The following PHTF2 variants were observed in gnomAD, a reference collection of about 807,000 sequenced individuals.
PHTF2 encodes putative homeodomain transcription factor 2, also known as protein PHTF2.
In PHTF2, 60 loss-of-function variants were observed where a neutral mutation model predicts 101.2. The observed-to-expected ratio is 0.59, with a 90% CI of 0.48 to 0.73. The LOEUF is 0.73. PHTF2 is among the 30% of genes least tolerant of loss of function. The pLI is 0.00. For missense variants in PHTF2, 747 were observed against 908.7 expected (o/e 0.82, Z 2.29); for synonymous variants, 311 against 307.3 (o/e 1.01, Z -0.13).
At chr7:77,923,133 T>G (rs1803639579) in intron 11 of PHTF2, 1 of 990,996 alleles carries the variant, frequency 1.0e-6, no homozygotes, top group Non-Finnish European at 1.2e-6. Context: ...AAAGTTATTT[T>G]AAGTAACTTC....
chr7:77,899,141 A>G (rs973452232), intron 5 of PHTF2, among the ~76,000 whole-genome samples: 5 of 152,218 alleles, frequency 3.3e-5, no homozygotes, highest in Non-Finnish European at 5.9e-5. Context: ...TGTAAGACAC[A>G]TCACAGCATT....
intron 1 of PHTF2, among the ~76,000 whole-genome samples, chr7:77,816,821 G>A (rs1793889628): frequency 6.6e-6 from 1 of 152,164 alleles, no homozygotes; most frequent in East Asian, 1.9e-4. Context: ...AACATGCAGG[G>A]TTTAACTTTC....
chr7:77,876,679 G>C (rs546501764), intron 3 of PHTF2, among the ~76,000 whole-genome samples: 1 of 152,034 alleles, frequency 6.6e-6, no homozygotes, highest in Non-Finnish European at 1.5e-5. Flanking sequence ...GATCACTTGC[G>C]CCCAGGAGTT....
intron 5 of PHTF2, among the ~76,000 whole-genome samples, chr7:77,897,575 A>T (rs1690016375): frequency 6.6e-6 from 1 of 152,154 alleles, no homozygotes. Context: ...TAAACTGTTT[A>T]ACAGTTCTTG....
At chr7:77,947,387 C>T (rs552531015) in intron 16 of PHTF2, among the ~76,000 whole-genome samples, 8 of 152,070 alleles carry the variant, frequency 5.3e-5, no homozygotes, top group African/African-American at 1.9e-4. Context: ...CATGGCAAAA[C>T]CCTATCTCTA....
At chr7:77,943,057 G>A (rs1054637943) in intron 16 of PHTF2, among the ~76,000 whole-genome samples, 8 of 152,166 alleles carry the variant, frequency 5.3e-5, no homozygotes, top group Non-Finnish European at 5.9e-5. Context: ...CAAAAGAAAC[G>A]TATGAGTTAT....
intron 3 of PHTF2, among the ~76,000 whole-genome samples, chr7:77,860,174 TTGAATA>T (rs1248085377): frequency 3.9e-5 from 6 of 152,202 alleles, no homozygotes; most frequent in Non-Finnish European, 7.3e-5. Flanking sequence ...CCAAAAAACA[TTGAATA>T]TAAAAGTTTA....
intron 1 of PHTF2, among the ~76,000 whole-genome samples, chr7:77,802,160 G>T (rs1349418634): frequency 6.6e-6 from 1 of 152,150 alleles, no homozygotes; most frequent in East Asian, 1.9e-4. Context: ...CAGAAATATG[G>T]ATTGTTTAGG....
chr7:77,817,891 C>T (rs928630296), intron 1 of PHTF2, among the ~76,000 whole-genome samples: 27 of 151,948 alleles, frequency 1.8e-4, no homozygotes, highest in African/African-American at 1.5e-4. Flanking sequence ...GGGTGGATCA[C>T]GAAGTCAGCA....
At chr7:77,855,803 G>T (rs1008400027) in intron 3 of PHTF2, among the ~76,000 whole-genome samples, 3 of 152,142 alleles carry the variant, frequency 2.0e-5, no homozygotes, top group Non-Finnish European at 2.9e-5. Context: ...TACACTTTCT[G>T]TCCCCCAAGC....
intron 1 of PHTF2, among the ~76,000 whole-genome samples, chr7:77,804,287 A>G (rs149976532): frequency 1.3e-3 from 191 of 151,928 alleles, no homozygotes; most frequent in African/African-American, 3.9e-3. Context: ...TCCTAAATCT[A>G]TTTTACTCTT....
At chr7:77,836,794 A>G (rs1795506910) in intron 1 of PHTF2, among the ~76,000 whole-genome samples, 1 of 151,920 alleles carries the variant, frequency 6.6e-6, no homozygotes, top group African/African-American at 2.4e-5. Context: ...CAGGGAGGGA[A>G]ACATCATACA....
At chr7:77,925,310 A>C (rs1332349484) in intron 11 of PHTF2, among the ~76,000 whole-genome samples, 1 of 152,120 alleles carries the variant, frequency 6.6e-6, no homozygotes, top group Non-Finnish European at 1.5e-5. Flanking sequence ...TAGGCGTCTA[A>C]AGATTTGACA....
At chr7:77,943,374 G>A (rs1455519667) in intron 16 of PHTF2, among the ~76,000 whole-genome samples, 3 of 152,164 alleles carry the variant, frequency 2.0e-5, no homozygotes, top group South Asian at 2.1e-4. Context: ...TGATCTGCCC[G>A]CCTCGGCCTC....
chr7:77,924,128 G>A (rs1461915333), intron 11 of PHTF2: 52 of 958,160 alleles, frequency 5.4e-5, no homozygotes, highest in Non-Finnish European at 6.0e-5. Flanking sequence ...TTTAAAGGGC[G>A]TTTCTAAAAA....
At chr7:77,906,934 T>TAAAAA (rs10694050) in intron 7 of PHTF2, among the ~76,000 whole-genome samples, 5 of 118,876 alleles carry the variant, frequency 4.2e-5, no homozygotes, top group Admixed American at 2.6e-4. Flanking sequence ...TAATGGTAGC[T>TAAAAA]AAAAAAAAAA....
At chr7:77,893,207 CAT>C (rs1265083823) in intron 3 of PHTF2, among the ~76,000 whole-genome samples, 5 of 152,114 alleles carry the variant, frequency 3.3e-5, no homozygotes, top group African/African-American at 1.2e-4. Flanking sequence ...GGGTACTAAG[CAT>C]AGTACCTGAT....
chr7:77,845,229 C>T lies in PHTF2; in HGVS notation c.45+4929C>T, dbSNP rs187072080. On this transcript the variant is annotated intron_variant, in intron 2 of 19. Transcript: ENST00000416283. Reference sequence around the variant, plus strand: ...AAACAATATAGTGACCTGTAAGATTCCACTGTGACTGTGCAGATAAAATTA... The same window carrying T: ...AAACAATATAGTGACCTGTAAGATTTCACTGTGACTGTGCAGATAAAATTA... Among the ~76,000 whole-genome samples the T allele has an allele frequency of 2.7e-3, 412 of 152,270 alleles. 1 individual carries two copies. The highest frequency in any genetic ancestry group is 7.2e-3 in the Admixed American group (110 of 15,298).
rs534370093 is a variant in PHTF2, at chr7:77,935,374, C to T, written c.1339-2336C>T. Among the ~76,000 whole-genome samples, 6 of 152,196 alleles carry T rather than the reference C, an allele frequency of 3.9e-5. No homozygotes were observed. In the East Asian group the frequency reaches 1.2e-3, roughly 29 times the overall value. On this transcript the variant is annotated intron_variant, in intron 12 of 19. Coordinates refer to ENST00000416283, the Ensembl canonical transcript of PHTF2. ...AGTACCTGGGACTACAGGCACCAGC[C>T]ACCATGCCTGGCTGATTTCTTTTTG...
Sources: allele counts gnomAD v4.1 joint callset (sites outside exome capture counted in the v4.1 genomes callset), GRCh38; gene constraint gnomAD v4.1.1; transcripts MANE v1.5; gene names NCBI Gene and HGNC (gene_info 2026-07-23, HGNC 2026-07-21).